Variants in BRINP3 observed in about 807,000 individuals in gnomAD.
BRINP3 encodes the protein BMP/retinoic acid inducible neural specific 3.
BRINP3 carries 19 observed loss-of-function variants against 71.0 expected under a neutral mutation model. The ratio of observed to expected loss-of-function variants is 0.27; its 90% CI spans 0.19 to 0.39. The LOEUF is 0.39. Ranked by LOEUF, BRINP3 falls within the 10% of genes least tolerant of loss-of-function variation. BRINP3 has a pLI of 1.00. For missense variants in BRINP3, 959 were observed against 940.8 expected (o/e 1.02, Z -0.25); for synonymous variants, 380 against 337.7 (o/e 1.13, Z -1.37).
intron 2 of BRINP3, among the ~76,000 whole-genome samples, chr1:190,454,094 A>G (rs138074084): frequency 1.4e-4 from 21 of 152,354 alleles, no homozygotes; most frequent in Non-Finnish European, 2.1e-4. Context: ...GAACATTGAT[A>G]GATGTTAAAG....
chr1:190,163,462 T>C (rs982910456), intron 6 of BRINP3, among the ~76,000 whole-genome samples: 2 of 152,030 alleles, frequency 1.3e-5, no homozygotes, highest in African/African-American at 4.8e-5. Flanking sequence ...ATCAAGTGAG[T>C]ACTTTTCATG....
chr1:190,287,253 C>T (rs530437972), intron 2 of BRINP3, among the ~76,000 whole-genome samples: 6 of 151,800 alleles, frequency 4.0e-5, no homozygotes, highest in Admixed American at 3.3e-4. Context: ...ACATTCTTAC[C>T]ATATAGCTTC....
intron 7 of BRINP3, among the ~76,000 whole-genome samples, chr1:190,148,632 TAAATA>T (rs1656114853): frequency 6.7e-6 from 1 of 150,212 alleles, no homozygotes; most frequent in African/African-American, 2.4e-5. Flanking sequence ...AATAAATAAA[TAAATA>T]AATAAATAAA....
At chr1:190,109,538 G>C (rs760065842) in intron 7 of BRINP3, among the ~76,000 whole-genome samples, 1 of 152,164 alleles carries the variant, frequency 6.6e-6, no homozygotes, top group Non-Finnish European at 1.5e-5. Context: ...TAGGGGATAC[G>C]CAGATAGCTG....
chr1:190,166,275 C>G (rs1032929909), intron 6 of BRINP3, among the ~76,000 whole-genome samples: 1 of 152,144 alleles, frequency 6.6e-6, no homozygotes, highest in Non-Finnish European at 1.5e-5. Flanking sequence ...GAAACAGATT[C>G]TAATTCCTTA....
At chr1:190,447,251 T>C (rs146900182) in intron 2 of BRINP3, among the ~76,000 whole-genome samples, 13 of 149,220 alleles carry the variant, frequency 8.7e-5, no homozygotes, top group African/African-American at 3.2e-4. Context: ...TATGGATTGA[T>C]AGATAGATAT....
At chr1:190,359,250 G>A (rs1668967940) in intron 2 of BRINP3, among the ~76,000 whole-genome samples, 1 of 152,034 alleles carries the variant, frequency 6.6e-6, no homozygotes. Context: ...AAGAGGTCTA[G>A]CCTTTTCTCA....
chr1:190,196,691 G>A (rs1654509759), intron 6 of BRINP3, among the ~76,000 whole-genome samples: 1 of 151,592 alleles, frequency 6.6e-6, no homozygotes, highest in African/African-American at 2.4e-5. Context: ...CTGAATATAT[G>A]TAACTCTTAA....
In BRINP3 at chr1:190,099,011, G is replaced by A. The variant is rs1482407388; in HGVS notation, c.1308C>T (p.Thr436=). Residue 436 remains threonine (T), a synonymous_variant, in exon 8 of 8, where the codon ACC becomes ACT. Coordinates refer to ENST00000367462, the MANE Select transcript of BRINP3 (RefSeq NM_199051.3). The part of the protein sequence containing the change: ...CTCPNDQVVC[T]AFLPCTVGDA... The stretch of plus-strand genomic sequence containing the variant: ...CTCCCACTGTGCAGGGCAGGAACGC[G>A]GTGCAGACCACCTGGTCATTCGGAC... 1.2e-5 allele frequency: 20 copies of A among 1,614,136 alleles called. No homozygotes were observed. Among genetic ancestry groups the A allele is most frequent in the East Asian group, 2.2e-5 (1 of 44,866 alleles).
intron 6 of BRINP3, among the ~76,000 whole-genome samples, chr1:190,225,437 T>A (rs984251812): frequency 1.3e-5 from 2 of 151,816 alleles, no homozygotes; most frequent in South Asian, 2.1e-4. Context: ...AAAGTAGAAC[T>A]CATGAAGATA....
intron 2 of BRINP3, among the ~76,000 whole-genome samples, chr1:190,322,486 T>A (rs948155416): frequency 2.6e-5 from 4 of 151,896 alleles, no homozygotes; most frequent in Non-Finnish European, 1.5e-5. Flanking sequence ...CGTATACACA[T>A]GATTGAGTAC....
intron 7 of BRINP3, among the ~76,000 whole-genome samples, chr1:190,123,087 C>T (rs895077903): frequency 1.3e-5 from 2 of 152,116 alleles, no homozygotes; most frequent in Non-Finnish European, 2.9e-5. Context: ...GTCTCTGTAG[C>T]TGGTCACATA....
intron 6 of BRINP3, among the ~76,000 whole-genome samples, chr1:190,163,877 A>C (rs1485871261): frequency 6.6e-6 from 1 of 152,116 alleles, no homozygotes; most frequent in Non-Finnish European, 1.5e-5. Flanking sequence ...ATAAATATTA[A>C]TTCAATTATT....
chr1:190,197,160 G>T (rs550027516), intron 6 of BRINP3, among the ~76,000 whole-genome samples: 2 of 151,594 alleles, frequency 1.3e-5, no homozygotes, highest in Non-Finnish European at 2.9e-5. Context: ...TTGTGTAGGA[G>T]AACTCCCCTT....
chr1:190,141,663 C>A (rs1162952448), intron 7 of BRINP3, among the ~76,000 whole-genome samples: 1 of 143,914 alleles, frequency 6.9e-6, no homozygotes, highest in Non-Finnish European at 1.5e-5. Flanking sequence ...CTGGTTCAAG[C>A]AATTCTCCTG....
intron 2 of BRINP3, among the ~76,000 whole-genome samples, chr1:190,343,695 A>C (rs1392379411): frequency 6.6e-6 from 1 of 151,664 alleles, no homozygotes; most frequent in Non-Finnish European, 1.5e-5. Context: ...GGTAACATAG[A>C]CCAGGGAGAG....
At chr1:190,273,701 T>C (rs1662311817) in intron 3 of BRINP3, among the ~76,000 whole-genome samples, 1 of 151,578 alleles carries the variant, frequency 6.6e-6, no homozygotes, top group African/African-American at 2.4e-5. Flanking sequence ...CTATGTTGAG[T>C]CAATGAGAAA....
intron 6 of BRINP3, among the ~76,000 whole-genome samples, chr1:190,224,321 C>CAT (rs1019997354): frequency 1.3e-5 from 2 of 151,506 alleles, no homozygotes; most frequent in Non-Finnish European, 3.0e-5. Context: ...AATAGAGAAC[C>CAT]ATATATATAT....
intron 4 of BRINP3, among the ~76,000 whole-genome samples, chr1:190,247,189 T>C (rs1659691954): frequency 6.6e-6 from 1 of 152,044 alleles, no homozygotes; most frequent in African/African-American, 2.4e-5. Context: ...AACTGGTTTA[T>C]ATTTTCAGGT....
Sources: allele counts gnomAD v4.1 joint callset (sites outside exome capture counted in the v4.1 genomes callset), GRCh38; gene constraint gnomAD v4.1.1; transcripts MANE v1.5; gene names NCBI Gene and HGNC (gene_info 2026-07-23, HGNC 2026-07-21).